LPAR1: variants seen among roughly 807,000 people sequenced by gnomAD.
The protein encoded by LPAR1 is LPA receptor 1.
A neutral mutation model predicts 23.8 loss-of-function variants in LPAR1; 5 were observed. The observed-to-expected ratio is 0.21, with a 90% CI of 0.11 to 0.44. The LOEUF is 0.44. Ranked by LOEUF, LPAR1 falls within the 20% of genes least tolerant of loss-of-function variation. LPAR1 has a pLI of 0.99. For missense variants in LPAR1, 311 were observed against 482.8 expected (o/e 0.64, Z 3.33); for synonymous variants, 160 against 164.7 (o/e 0.97, Z 0.22).
At chr9:110,923,496 T>C (rs1472896611) in intron 5 of LPAR1, among the ~76,000 whole-genome samples, 4 of 152,218 alleles carry the variant, frequency 2.6e-5, no homozygotes, top group Admixed American at 2.6e-4. Context: ...TGGCCAACTG[T>C]AGGCTAATGT....
intron 2 of LPAR1, among the ~76,000 whole-genome samples, chr9:111,010,886 A>G (rs1010641587): frequency 2.0e-5 from 3 of 152,194 alleles, no homozygotes; most frequent in African/African-American, 7.2e-5. Context: ...AGAATACCAA[A>G]TATTAGCCAG....
intron 5 of LPAR1, among the ~76,000 whole-genome samples, chr9:110,890,231 G>A (rs765896012): frequency 3.9e-5 from 6 of 152,096 alleles, no homozygotes; most frequent in South Asian, 2.1e-4. Flanking sequence ...TATGACAATT[G>A]ATGTAATAGT....
chr9:111,028,524 C>T (rs986274062), intron 2 of LPAR1, among the ~76,000 whole-genome samples: 5 of 151,560 alleles, frequency 3.3e-5, no homozygotes, highest in African/African-American at 1.2e-4. Context: ...AAAAAGAAAA[C>T]TAAGAATAAA....
At chr9:110,887,041 A>T (rs910423689) in intron 5 of LPAR1, among the ~76,000 whole-genome samples, 4 of 152,270 alleles carry the variant, frequency 2.6e-5, no homozygotes, top group African/African-American at 9.6e-5. Flanking sequence ...CAACATATTT[A>T]ATTTTTTAAC....
intron 5 of LPAR1, among the ~76,000 whole-genome samples, chr9:110,909,716 T>C (rs1328705851): frequency 1.4e-5 from 2 of 140,828 alleles, no homozygotes; most frequent in Non-Finnish European, 3.1e-5. Context: ...TTTTGCTTCA[T>C]TTATTAAATA....
intron 2 of LPAR1, among the ~76,000 whole-genome samples, chr9:111,026,745 G>T (rs1186293738): frequency 6.6e-6 from 1 of 152,158 alleles, no homozygotes; most frequent in African/African-American, 2.4e-5. Flanking sequence ...AAAGGGTGTT[G>T]AATTTTATTG....
intron 5 of LPAR1, among the ~76,000 whole-genome samples, chr9:110,930,776 G>A (rs746132633): frequency 3.3e-5 from 5 of 151,930 alleles, no homozygotes; most frequent in East Asian, 1.9e-4. Context: ...TCAGCCGGGC[G>A]TGGTGGCGCG....
chr9:110,899,272 G>A (rs2087722743), intron 5 of LPAR1, among the ~76,000 whole-genome samples: 1 of 152,088 alleles, frequency 6.6e-6, no homozygotes, highest in South Asian at 2.1e-4. Flanking sequence ...GACACTCTAG[G>A]AAATGTTTGA....
At chr9:111,035,087 C>G (rs915781629) in intron 2 of LPAR1, among the ~76,000 whole-genome samples, 15 of 152,220 alleles carry the variant, frequency 9.9e-5, no homozygotes, top group African/African-American at 2.4e-4. Flanking sequence ...ATCTTTCCCC[C>G]CTGTGTTGCA....
intron 5 of LPAR1, among the ~76,000 whole-genome samples, chr9:110,914,359 C>T (rs2092810217): frequency 6.6e-6 from 1 of 152,222 alleles, no homozygotes; most frequent in Non-Finnish European, 1.5e-5. Flanking sequence ...GTACATCTTA[C>T]ATGGCGGCAA....
chr9:111,002,049 T>A (rs2192593), intron 2 of LPAR1, among the ~76,000 whole-genome samples: 28,647 of 152,186 alleles, frequency 0.19, 3,756 homozygotes, highest in African/African-American at 0.37. Context: ...GAACAAGATT[T>A]AGCTTTTAAC....
rs1405907726 is a variant in LPAR1, at chr9:110,873,518, C to T, written c.*1903G>A. 1 of 152,434 alleles carries T rather than the reference C, an allele frequency of 6.6e-6. No individual in the cohort carries two copies. Among genetic ancestry groups the T allele is most frequent in the Non-Finnish European group, 1.5e-5 (1 of 68,168 alleles). The allele number at this position is 152,434 out of a possible 1,614,324, so 9.4% of individuals were successfully genotyped here. ...TAACCGTGCACTGACATCCTCCTTCCTAGACAGCCATTCATCTCCCGGACT... is the reference window on the plus strand; with the variant it reads ...TAACCGTGCACTGACATCCTCCTTCTTAGACAGCCATTCATCTCCCGGACT... On this transcript the variant is annotated 3_prime_UTR_variant, in exon 6 of 6. Transcript: ENST00000683809.
At chr9:110,917,986 T>TC (rs1258066973) in intron 5 of LPAR1, among the ~76,000 whole-genome samples, 1 of 152,192 alleles carries the variant, frequency 6.6e-6, no homozygotes, top group African/African-American at 2.4e-5. Context: ...CACTGTAGCC[T>TC]CCACCTACAG....
At chr9:110,933,555 T>G (rs574516743) in intron 5 of LPAR1, among the ~76,000 whole-genome samples, 3 of 152,316 alleles carry the variant, frequency 2.0e-5, no homozygotes, top group Non-Finnish European at 4.4e-5. Context: ...ATGGAACTCG[T>G]AAGCAAGGAG....
chr9:110,969,719 A>G (rs2096351257), intron 4 of LPAR1, among the ~76,000 whole-genome samples: 1 of 151,948 alleles, frequency 6.6e-6, no homozygotes, highest in South Asian at 2.1e-4. Context: ...CTCAGAAAAA[A>G]AAAAAAGAAA....
At chr9:111,007,169 C>A (rs969411131) in intron 2 of LPAR1, among the ~76,000 whole-genome samples, 12 of 152,020 alleles carry the variant, frequency 7.9e-5, no homozygotes. Flanking sequence ...CCCCAGAAGC[C>A]GAGCAGATGC....
At chr9:111,036,981 A>ATT (rs2097908008) in intron 1 of LPAR1, among the ~76,000 whole-genome samples, 1 of 152,188 alleles carries the variant, frequency 6.6e-6, no homozygotes, top group African/African-American at 2.4e-5. Flanking sequence ...TACCTCTAAA[A>ATT]TACACCCTTT....
At chr9:110,898,436 A>G (rs2087274084) in intron 5 of LPAR1, among the ~76,000 whole-genome samples, 1 of 152,234 alleles carries the variant, frequency 6.6e-6, no homozygotes, top group Non-Finnish European at 1.5e-5. Flanking sequence ...TTGTAGTGAC[A>G]GCTTCCATCC....
At chr9:110,900,278 T>C (rs1369475035) in intron 5 of LPAR1, among the ~76,000 whole-genome samples, 3 of 152,164 alleles carry the variant, frequency 2.0e-5, no homozygotes, top group Non-Finnish European at 4.4e-5. Flanking sequence ...TCATGGACCC[T>C]TCCTCTTTCT....
Sources: allele counts gnomAD v4.1 joint callset (sites outside exome capture counted in the v4.1 genomes callset), GRCh38; gene constraint gnomAD v4.1.1; transcripts MANE v1.5; gene names NCBI Gene and HGNC (gene_info 2026-07-23, HGNC 2026-07-21).